Variants in CHTF8 observed in about 807,000 individuals in gnomAD.
CHTF8 encodes the protein chromosome transmission fidelity factor 8.
In CHTF8, 6 loss-of-function variants were observed where a neutral mutation model predicts 11.0. The ratio of observed to expected loss-of-function variants is 0.55; its 90% CI spans 0.30 to 1.08. CHTF8 has a LOEUF of 1.08. Ranked by LOEUF, CHTF8 falls within the 50% of genes least tolerant of loss-of-function variation. The probability of loss-of-function intolerance (pLI) is 0.07; values close to 1 mark genes in which losing one functional copy is unlikely to be tolerated. For missense variants in CHTF8, 140 were observed against 153.1 expected (o/e 0.91, Z 0.45); for synonymous variants, 53 against 60.5 (o/e 0.88, Z 0.57).
At chr16:69,123,528 G>T (rs1961832291) in intron 1 of CHTF8, among the ~76,000 whole-genome samples, 1 of 151,344 alleles carries the variant, frequency 6.6e-6, no homozygotes, top group South Asian at 2.1e-4. Flanking sequence ...GTGGTGGCAG[G>T]CACCCATAAT....
chr16:69,130,782 G>A (rs889262632), intron 1 of CHTF8, among the ~76,000 whole-genome samples: 3 of 152,192 alleles, frequency 2.0e-5, no homozygotes, highest in African/African-American at 7.2e-5. Context: ...CACTGTGTTA[G>A]CATATTAATG....
chr16:69,131,673 T>A (rs965250232), intron 1 of CHTF8, among the ~76,000 whole-genome samples: 1 of 146,214 alleles, frequency 6.8e-6, no homozygotes, highest in Non-Finnish European at 1.5e-5. Context: ...GGGAAACTAT[T>A]CTTTAAACCG....
chr16:69,127,028 C>G (rs1597118504), intron 1 of CHTF8, among the ~76,000 whole-genome samples: 1 of 152,190 alleles, frequency 6.6e-6, no homozygotes, highest in East Asian at 1.9e-4. Flanking sequence ...GGGCAGATAA[C>G]CTGAAGTCAG....
chr16:69,125,001 T>C (rs556832477), intron 1 of CHTF8, among the ~76,000 whole-genome samples: 11 of 152,132 alleles, frequency 7.2e-5, no homozygotes, highest in Non-Finnish European at 1.3e-4. Context: ...ACCTCCCGAA[T>C]TCAAGCAATT....
Position 69,119,833 on chromosome 16 carries a change from T to C in CHTF8, c.*592A>G, listed in dbSNP as rs1160039092. On this transcript the variant is annotated 3_prime_UTR_variant, in exon 4 of 4. Coordinates refer to ENST00000448552, the MANE Select transcript of CHTF8 (RefSeq NM_001039690.5). Reference sequence around the variant, plus strand: ...TGGGCCCAGGCCAACTGGCCTAGGATTGGGAGGACCATTCCCAGAGGTTAA... The same window carrying C: ...TGGGCCCAGGCCAACTGGCCTAGGACTGGGAGGACCATTCCCAGAGGTTAA... 1.1e-5 allele frequency: 8 copies of C among 701,022 alleles called. No homozygotes were observed. The highest frequency in any genetic ancestry group is 2.0e-5 in the Admixed American group (1 of 49,990). 43.4% of individuals were successfully genotyped at this position (701,022 alleles called of 1,614,324 possible).
In CHTF8 at chr16:69,119,306, A is replaced by G. The variant is rs1961431359; in HGVS notation, c.*1119T>C. The stretch of plus-strand genomic sequence containing the variant: ...GCTGGGTTTGATGCCAATGTGCCAG[A>G]AGACTGAGAAAAGGCAGATGAACCT... On this transcript the variant is annotated 3_prime_UTR_variant, in exon 4 of 4. Coordinates refer to ENST00000448552, the MANE Select transcript of CHTF8 (RefSeq NM_001039690.5). 2 of 702,974 alleles carry G rather than the reference A, an allele frequency of 2.8e-6. No homozygotes were observed. The highest frequency in any genetic ancestry group is 3.5e-5 in the African/African-American group (2 of 57,266). The allele number at this position is 702,974 out of a possible 1,614,324, so 43.5% of individuals were successfully genotyped here.
intron 1 of CHTF8, among the ~76,000 whole-genome samples, chr16:69,127,687 G>A (rs1962173352): frequency 7.3e-6 from 1 of 136,382 alleles, no homozygotes; most frequent in Non-Finnish European, 1.5e-5. Context: ...TCAGCTCATT[G>A]CAACCTCTGT....
chr16:69,123,824 A>G (rs773281382), intron 1 of CHTF8, among the ~76,000 whole-genome samples: 6 of 151,674 alleles, frequency 4.0e-5, no homozygotes, highest in Admixed American at 6.6e-5. Flanking sequence ...GCAGTAGCTC[A>G]CGCCTGCAAT....
In CHTF8 at chr16:69,119,939, G is replaced by A. The variant is rs1376687860; in HGVS notation, c.*486C>T. On this transcript the variant is annotated 3_prime_UTR_variant, in exon 4 of 4. Coordinates refer to ENST00000448552, the MANE Select transcript of CHTF8 (RefSeq NM_001039690.5). Reference sequence around the variant, plus strand: ...CTGGGGTCAGGACCTGCTCCCAGGAGACCACCTGCCCTTGGGTTGGACATA... The same window carrying A: ...CTGGGGTCAGGACCTGCTCCCAGGAAACCACCTGCCCTTGGGTTGGACATA... The A allele has an allele frequency of 1.3e-5, 9 of 702,070 alleles. No homozygotes were observed. Among genetic ancestry groups the A allele is most frequent in the Non-Finnish European group, 2.3e-5 (9 of 384,446 alleles). 43.5% of individuals were successfully genotyped at this position (702,070 alleles called of 1,614,324 possible).
chr16:69,127,485 G>A (rs1449787592), intron 1 of CHTF8, among the ~76,000 whole-genome samples: 1 of 152,084 alleles, frequency 6.6e-6, no homozygotes, highest in Non-Finnish European at 1.5e-5. Flanking sequence ...TTCTAAGATG[G>A]GGCTTGTTTA....
chr16:69,124,986 C>T (rs1014253480), intron 1 of CHTF8, among the ~76,000 whole-genome samples: 3 of 152,000 alleles, frequency 2.0e-5, no homozygotes, highest in African/African-American at 7.3e-5. Context: ...CTCACCGCAA[C>T]CTCCACCTCC....
intron 2 of CHTF8, 42 bp downstream of exon 2, chr16:69,121,394 C>G: frequency 6.4e-7 from 1 of 1,565,114 alleles, no homozygotes; most frequent in Admixed American, 1.8e-5. Flanking sequence ...CTATAGCCCT[C>G]ATCATTTCAA....
intron 1 of CHTF8, among the ~76,000 whole-genome samples, chr16:69,124,159 C>A (rs1961892302): frequency 6.6e-6 from 1 of 151,912 alleles, no homozygotes; most frequent in Non-Finnish European, 1.5e-5. Context: ...ACAGCAGCAC[C>A]ACCTGGTGGC....
intron 2 of CHTF8, 97 bp downstream of exon 2, chr16:69,121,339 A>T: frequency 8.0e-7 from 1 of 1,252,234 alleles, no homozygotes; most frequent in Non-Finnish European, 1.1e-6. Context: ...GATTTGTACA[A>T]GATGCACCTA....
chr16:69,118,259 G>A lies in CHTF8; in HGVS notation c.*2166C>T, dbSNP rs576908984. ...TAAATCTGGCCACCTCTAAGTCCCA[G>A]GAGAAGGGAGCTGCAGGCCCAGTCA... On this transcript the variant is annotated 3_prime_UTR_variant, in exon 4 of 4. Coordinates refer to ENST00000448552, the MANE Select transcript of CHTF8 (RefSeq NM_001039690.5). 18 of 791,986 alleles carry A rather than the reference G, an allele frequency of 2.3e-5. No individual in the cohort carries two copies. Among genetic ancestry groups the A allele is most frequent in the Non-Finnish European group, 3.3e-5 (15 of 449,678 alleles). 49.1% of individuals were successfully genotyped at this position (791,986 alleles called of 1,614,324 possible). A position where few individuals can be genotyped will look rare whatever the true frequency, so the allele number is the denominator to read the frequency against.
Position 69,119,335 on chromosome 16 carries a change from C to G in CHTF8, c.*1090G>C, listed in dbSNP as rs1961433837. On this transcript the variant is annotated 3_prime_UTR_variant, in exon 4 of 4. Transcript: ENST00000448552. ...CTGAGAAAAGGCAGATGAACCTGCT[C>G]CCCTGGGAAAGGGATTGGCATTTAC... 1.4e-6 allele frequency: 1 copy of G among 703,054 alleles called. No individual in the cohort carries two copies. The highest frequency in any genetic ancestry group is 2.6e-6 in the Non-Finnish European group (1 of 385,024). The allele number at this position is 703,054 out of a possible 1,614,324, so 43.6% of individuals were successfully genotyped here. A position where few individuals can be genotyped will look rare whatever the true frequency, so the allele number is the denominator to read the frequency against.
chr16:69,119,340 G>T lies in CHTF8; in HGVS notation c.*1085C>A, dbSNP rs994523174. The T allele has an allele frequency of 2.6e-5, 18 of 702,950 alleles. No homozygotes were observed. Among genetic ancestry groups the T allele is most frequent in the Non-Finnish European group, 4.2e-5 (16 of 385,032 alleles). The allele number at this position is 702,950 out of a possible 1,614,324, so 43.5% of individuals were successfully genotyped here. A position where few individuals can be genotyped will look rare whatever the true frequency, so the allele number is the denominator to read the frequency against. On this transcript the variant is annotated 3_prime_UTR_variant, in exon 4 of 4. Coordinates refer to ENST00000448552, the MANE Select transcript of CHTF8 (RefSeq NM_001039690.5). ...AAAAGGCAGATGAACCTGCTCCCCT[G>T]GGAAAGGGATTGGCATTTACCCCCA...
At chr16:69,131,684 C>T (rs1362615668) in intron 1 of CHTF8, among the ~76,000 whole-genome samples, 3 of 150,432 alleles carry the variant, frequency 2.0e-5, no homozygotes, top group Admixed American at 6.6e-5. Flanking sequence ...CTTTAAACCG[C>T]CTTCCTCCAC....
intron 1 of CHTF8, among the ~76,000 whole-genome samples, chr16:69,124,883 T>C (rs1473395303): frequency 2.6e-5 from 4 of 151,954 alleles, no homozygotes; most frequent in African/African-American, 4.8e-5. Context: ...ACCAAACACT[T>C]TGGGAACATG....
Sources: allele counts gnomAD v4.1 joint callset (sites outside exome capture counted in the v4.1 genomes callset), GRCh38; gene constraint gnomAD v4.1.1; transcripts MANE v1.5; gene names NCBI Gene and HGNC (gene_info 2026-07-23, HGNC 2026-07-21).